The following FHOD3 variants were observed in gnomAD, a reference collection of about 807,000 sequenced individuals.
FHOD3 encodes the protein FH1/FH2 domain-containing protein 3.
FHOD3 carries 90 observed loss-of-function variants against 173.0 expected under a neutral mutation model. The ratio of observed to expected loss-of-function variants is 0.52; its 90% CI spans 0.44 to 0.62. The LOEUF is 0.62. FHOD3 is among the 20% of genes least tolerant of loss of function. The pLI is 0.00. For synonymous variants in FHOD3, 828 were observed against 823.0 expected (o/e 1.01, Z -0.10); for missense variants, 1,945 against 2,034.7 (o/e 0.96, Z 0.85).
chr18:36,475,867 T>A (rs1338948428), intron 3 of FHOD3, among the ~76,000 whole-genome samples: 3 of 152,034 alleles, frequency 2.0e-5, no homozygotes, highest in Non-Finnish European at 4.4e-5. Flanking sequence ...GCGAATGAAT[T>A]GCTTTTGTAA....
chr18:36,421,717 GA>G (rs920916984), intron 3 of FHOD3, among the ~76,000 whole-genome samples: 1 of 152,198 alleles, frequency 6.6e-6, no homozygotes, highest in African/African-American at 2.4e-5. Flanking sequence ...TTGCAACCTG[GA>G]AATCCAGCTG....
intron 8 of FHOD3, among the ~76,000 whole-genome samples, chr18:36,610,925 C>T (rs2032610782): frequency 2.6e-5 from 4 of 152,294 alleles, no homozygotes; most frequent in East Asian, 1.9e-4. Flanking sequence ...TTGCCTCAGG[C>T]GTTTATCCTT....
Position 36,658,205 on chromosome 18 carries a change from C to T in FHOD3, c.1835+17C>T, listed in dbSNP as rs150278057. ...GTTGGAAAGGTGAGTTCGACAAGCACGCTGATAGCTTCACAGTCCTCAAGT... is the reference window on the plus strand; with the variant it reads ...GTTGGAAAGGTGAGTTCGACAAGCATGCTGATAGCTTCACAGTCCTCAAGT... On this transcript the variant is annotated intron_variant, in intron 14 of 28. Transcript: ENST00000590592. 464 of 1,525,992 alleles carry T rather than the reference C, an allele frequency of 3.0e-4. No homozygotes were observed. In the African/African-American group the frequency reaches 5.5e-3, roughly 18 times the overall value. 94.5% of individuals were successfully genotyped at this position (1,525,992 alleles called of 1,614,324 possible).
intron 4 of FHOD3, 52 bp from the exon 5 acceptor site, chr18:36,512,386 G>C (rs1293950679): frequency 7.4e-7 from 1 of 1,347,652 alleles, no homozygotes; most frequent in Non-Finnish European, 1.1e-6. Context: ...CAGCTGGGAT[G>C]GAAGGTGGAC....
At chr18:36,531,163 C>T (rs1284405237) in intron 5 of FHOD3, among the ~76,000 whole-genome samples, 1 of 152,050 alleles carries the variant, frequency 6.6e-6, no homozygotes, top group African/African-American at 2.4e-5. Flanking sequence ...TGTGGCTGGA[C>T]AGTGATCGAG....
intron 3 of FHOD3, among the ~76,000 whole-genome samples, chr18:36,457,924 A>G (rs1313102326): frequency 1.3e-5 from 2 of 152,174 alleles, no homozygotes; most frequent in Non-Finnish European, 2.9e-5. Context: ...TATTGCAACT[A>G]TTTTTAACAC....
intron 5 of FHOD3, among the ~76,000 whole-genome samples, chr18:36,535,049 A>G: frequency 6.6e-6 from 1 of 152,174 alleles, no homozygotes; most frequent in Non-Finnish European, 1.5e-5. Flanking sequence ...TTCAAACTCC[A>G]TGCCACCCCA....
chr18:36,708,955 T>G, intron 17 of FHOD3, 140 bp from the exon 18 acceptor site: 1 of 1,040,998 alleles, frequency 9.6e-7, no homozygotes, highest in Non-Finnish European at 1.4e-6. Flanking sequence ...AGTGTTTGAA[T>G]AACCAGGGCA....
At chr18:36,534,487 A>ATTATT (rs1168529980) in intron 5 of FHOD3, among the ~76,000 whole-genome samples, 5 of 151,168 alleles carry the variant, frequency 3.3e-5, no homozygotes, top group Admixed American at 6.6e-5. Context: ...TTTATTTTTT[A>ATTATT]TTATTTTATT....
At chr18:36,699,339 A>C (rs1420847345) in intron 17 of FHOD3, among the ~76,000 whole-genome samples, 1 of 152,256 alleles carries the variant, frequency 6.6e-6, no homozygotes, top group Non-Finnish European at 1.5e-5. Context: ...CGCCTGGAGC[A>C]GGCACTTGGG....
At chr18:36,557,746 A>G (rs2147541230) in intron 5 of FHOD3, among the ~76,000 whole-genome samples, 2 of 150,408 alleles carry the variant, frequency 1.3e-5, no homozygotes, top group South Asian at 4.2e-4. Context: ...TCTAAGGCCC[A>G]GTTACTTGTA....
At chr18:36,424,441 T>C (rs910844783) in intron 3 of FHOD3, among the ~76,000 whole-genome samples, 3 of 152,202 alleles carry the variant, frequency 2.0e-5, no homozygotes, top group African/African-American at 7.2e-5. Context: ...TTATTGTTCA[T>C]GTTTATTGTC....
chr18:36,348,300 C>G (rs1357133156), intron 1 of FHOD3, among the ~76,000 whole-genome samples: 1 of 152,192 alleles, frequency 6.6e-6, no homozygotes, highest in Non-Finnish European at 1.5e-5. Flanking sequence ...TTGCAACTGA[C>G]CAAATGGAAC....
chr18:36,421,842 G>A (rs1000170292), intron 3 of FHOD3, among the ~76,000 whole-genome samples: 3 of 152,144 alleles, frequency 2.0e-5, no homozygotes, highest in Admixed American at 2.0e-4. Flanking sequence ...TCTATAGTGT[G>A]GGGGAGTGGG....
intron 1 of FHOD3, among the ~76,000 whole-genome samples, chr18:36,330,294 C>A (rs1465194581): frequency 6.6e-6 from 1 of 152,146 alleles, no homozygotes; most frequent in African/African-American, 2.4e-5. Context: ...AACAAAGCAT[C>A]TGAGAGAAAA....
chr18:36,617,610 T>TGTGTGTGTGTGTGTGTGTGTGC (rs34321745), intron 9 of FHOD3, among the ~76,000 whole-genome samples: 13 of 146,102 alleles, frequency 8.9e-5, no homozygotes, highest in African/African-American at 2.3e-4. Context: ...TGTGTGTGTG[T>TGTGTGTGTGTGTGTGTGTGTGC]GTGTGTGTGC....
intron 3 of FHOD3, among the ~76,000 whole-genome samples, chr18:36,403,830 C>T (rs2048935437): frequency 6.6e-6 from 1 of 152,188 alleles, no homozygotes; most frequent in Non-Finnish European, 1.5e-5. Context: ...ATCTGACTTG[C>T]TGAAGGTAGA....
chr18:36,495,189 C>T (rs1211468411), intron 3 of FHOD3, among the ~76,000 whole-genome samples: 1 of 152,154 alleles, frequency 6.6e-6, no homozygotes, highest in East Asian at 1.9e-4. Flanking sequence ...GATCTGCCGG[C>T]CCTGGCCTCC....
At chr18:36,570,805 A>G (rs964921995) in intron 5 of FHOD3, among the ~76,000 whole-genome samples, 4 of 152,172 alleles carry the variant, frequency 2.6e-5, no homozygotes, top group Admixed American at 6.5e-5. Context: ...GCATTTGACA[A>G]AATTCATTCA....
Sources: allele counts gnomAD v4.1 joint callset (sites outside exome capture counted in the v4.1 genomes callset), GRCh38; gene constraint gnomAD v4.1.1; transcripts MANE v1.5; gene names NCBI Gene and HGNC (gene_info 2026-07-23, HGNC 2026-07-21).